The following PRAG1 variants were observed in gnomAD, a reference collection of about 807,000 sequenced individuals.
PRAG1 encodes PEAK1 related, kinase-activating pseudokinase 1, also known as inactive tyrosine-protein kinase PRAG1.
PRAG1 carries 110 observed loss-of-function variants against 95.6 expected under a neutral mutation model. That is an observed-to-expected ratio of 1.15 (90% CI 0.99 to 1.35). The LOEUF is 1.35. Among genes scored for constraint, PRAG1 ranks in the 40% most tolerant of loss-of-function variants. The probability of loss-of-function intolerance (pLI) is 0.00; values close to 1 mark genes in which losing one functional copy is unlikely to be tolerated. For synonymous variants in PRAG1, 1,052 were observed against 819.4 expected (o/e 1.28, Z -4.85); for missense variants, 2,554 against 1,864.7 (o/e 1.37, Z -6.81).
chr8:8,347,222 G>A (rs2116856461), intron 3 of PRAG1, among the ~76,000 whole-genome samples: 1 of 152,282 alleles, frequency 6.6e-6, no homozygotes, highest in African/African-American at 2.4e-5. Context: ...TGACTAGCTG[G>A]GACAGTGACT....
Position 8,381,880 on chromosome 8 carries a change from A to AC in PRAG1, c.-87-47dup, listed in dbSNP as rs1235643482. 7.6e-6 allele frequency: 5 copies of AC among 654,180 alleles called. No homozygotes were observed. In the East Asian group the frequency reaches 1.1e-4, roughly 14 times the overall value. The allele number at this position is 654,180 out of a possible 1,614,324, so 40.5% of individuals were successfully genotyped here. On this transcript the variant is annotated intron_variant, in intron 1 of 5. Transcript: ENST00000615670. ...CCTGATTAGAGATTTGCCATGCCAG[A>AC]CAATGGGTGCATTATCAATTAGAGT...
intron 3 of PRAG1, among the ~76,000 whole-genome samples, chr8:8,361,088 G>T (rs1462599895): frequency 1.3e-5 from 2 of 152,154 alleles, no homozygotes; most frequent in Non-Finnish European, 2.9e-5. Flanking sequence ...ATCTCATAAG[G>T]ATCATCTAAC....
chr8:8,377,744 T>C lies in PRAG1; in HGVS notation c.665A>G (p.His222Arg). The C allele has an allele frequency of 6.2e-7, 1 of 1,614,020 alleles. No individual in the cohort carries two copies. The highest frequency in any genetic ancestry group is 8.5e-7 in the Non-Finnish European group (1 of 1,180,006). ...AAFAGTTSGC[H>R]QGPGPLRESL... ...TTCCCGCAGGGGCCCAGGGCCCTGG[T>C]GACAGCCAGATGTGGTCCCAGCAAA... is the stretch of plus-strand genomic sequence containing the variant. The change falls in exon 3 of 6, where the codon CAC (histidine) becomes CGC (arginine). Residue 222 changes from histidine to arginine, a missense_variant. Coordinates refer to ENST00000615670, the MANE Select transcript of PRAG1 (RefSeq NM_001080826.3).
intron 4 of PRAG1, among the ~76,000 whole-genome samples, chr8:8,334,003 C>G (rs1413891099): frequency 1.3e-5 from 2 of 152,238 alleles, no homozygotes; most frequent in Non-Finnish European, 2.9e-5. Flanking sequence ...ATTAACTATT[C>G]CTGCATCAGA....
intron 3 of PRAG1, among the ~76,000 whole-genome samples, chr8:8,352,334 C>G (rs920085315): frequency 6.6e-6 from 1 of 152,198 alleles, no homozygotes; most frequent in African/African-American, 2.4e-5. Context: ...TTGACCTCCC[C>G]ATTCTGGATA....
intron 3 of PRAG1, among the ~76,000 whole-genome samples, chr8:8,356,575 TGG>T (rs1407178745): frequency 6.6e-6 from 1 of 152,188 alleles, no homozygotes; most frequent in Non-Finnish European, 1.5e-5. Context: ...CTCGAACTCC[TGG>T]GTTCAATAAA....
intron 3 of PRAG1, among the ~76,000 whole-genome samples, chr8:8,366,065 A>T (rs1205425988): frequency 6.6e-6 from 1 of 152,154 alleles, no homozygotes; most frequent in Admixed American, 6.5e-5. Context: ...AGTAAATTGA[A>T]GGTCTATAAA....
chr8:8,318,295 G>C lies in PRAG1; in HGVS notation c.4080C>G (p.Ala1360=), dbSNP rs1218003490. The C allele has an allele frequency of 6.2e-7, 1 of 1,614,150 alleles. No homozygotes were observed. The change falls in exon 6 of 6, where the codon GCC becomes GCG. Residue 1360 remains alanine, a synonymous_variant. Transcript: ENST00000615670. The surrounding 1 kb of genome is among the most constrained non-coding windows in gnomAD (Gnocchi z 4.2). ...TCTCCGCAAACTTCATCATCATCAG[G>C]GCCCGCTTCATGTCGATCCAGTTGT... ...TLHNWIDMKR[A]LMMMKFAEKA...
chr8:8,365,781 G>A (rs916413872), intron 3 of PRAG1, among the ~76,000 whole-genome samples: 19 of 145,932 alleles, frequency 1.3e-4, no homozygotes, highest in Middle Eastern at 3.5e-3. Flanking sequence ...TGGCCAATGT[G>A]GTGAAACCCT....
In PRAG1 at chr8:8,318,637, A is replaced by G. The variant is rs777949038; in HGVS notation, c.3738T>C (p.Ala1246=). Residue 1246 remains alanine, a synonymous_variant, in exon 6 of 6, where the codon GCT becomes GCC. Coordinates refer to ENST00000615670, the MANE Select transcript of PRAG1 (RefSeq NM_001080826.3). The surrounding 1 kb of genome is among the most constrained non-coding windows in gnomAD (Gnocchi z 4.2). ...ACTCATCGAACTTGCGGTACTGGGA[A>G]GCAGACACGATCTCGGGGGCCAGCC... ...QARLAPEIVS[A]SQYRKFDEFQ... The G allele has an allele frequency of 2.5e-6, 4 of 1,612,144 alleles. No homozygotes were observed. In the African/African-American group the frequency reaches 4.0e-5, roughly 16 times the overall value.
chr8:8,319,161 G>A lies in PRAG1; in HGVS notation c.3214C>T (p.Pro1072Ser), dbSNP rs764840780. Residue 1072 changes from proline to serine, a missense_variant, in exon 6 of 6, where the codon CCT becomes TCT. Transcript: ENST00000615670. ...MLSSPDAPKD[P>S]VPALPTHPPA... is the part of the protein sequence containing the mutation. ...GGGTGTGTGGGCAGGGCAGGCACAG[G>A]GTCCTTGGGCGCGTCGGGGGAGCTG... 2.8e-5 allele frequency: 45 copies of A among 1,604,802 alleles called. No homozygotes were observed. In the African/African-American group the frequency reaches 4.0e-4, roughly 14 times the overall value.
chr8:8,323,202 C>A (rs1017445457), intron 5 of PRAG1, among the ~76,000 whole-genome samples: 4 of 152,178 alleles, frequency 2.6e-5, no homozygotes, highest in African/African-American at 4.8e-5. Context: ...CCAAACGAAT[C>A]TCATCTTGTA....
chr8:8,327,874 A>G lies in PRAG1; in HGVS notation c.2908T>C (p.Cys970Arg). Reference sequence around the variant, plus strand: ...TGGCCGCCCATGAAGAGGTCCTCACATTTGGCTACAAGGCGGGCCAGGGAC... The same window carrying G: ...TGGCCGCCCATGAAGAGGTCCTCACGTTTGGCTACAAGGCGGGCCAGGGAC... ...TQSLARLVAKCEDLFMGGQKK... is the reference protein window; with the variant it reads ...TQSLARLVAKREDLFMGGQKK... Residue 970 changes from cysteine (C) to arginine (R), a missense_variant, in exon 5 of 6, where the codon TGT becomes CGT. Transcript: ENST00000615670. 1 of 1,614,200 alleles carries G rather than the reference A, an allele frequency of 6.2e-7. No homozygotes were observed. The highest frequency in any genetic ancestry group is 8.5e-7 in the Non-Finnish European group (1 of 1,180,034).
chr8:8,345,363 T>A (rs1166162878), intron 3 of PRAG1, among the ~76,000 whole-genome samples: 5 of 121,246 alleles, frequency 4.1e-5, no homozygotes, highest in Non-Finnish European at 6.5e-5. Context: ...AGACCCTGTC[T>A]CTACAAAAAA....
intron 3 of PRAG1, among the ~76,000 whole-genome samples, chr8:8,359,446 T>C (rs537734586): frequency 6.6e-6 from 1 of 152,322 alleles, no homozygotes; most frequent in South Asian, 2.1e-4. Flanking sequence ...GACCGGACCA[T>C]CCTTCTAGCC....
At chr8:8,370,367 C>T (rs970921995) in intron 3 of PRAG1, among the ~76,000 whole-genome samples, 2 of 152,208 alleles carry the variant, frequency 1.3e-5, no homozygotes, top group Non-Finnish European at 2.9e-5. Context: ...TCTGTGGGGG[C>T]CACTGAAATA....
chr8:8,372,250 C>T (rs926926871), intron 3 of PRAG1, among the ~76,000 whole-genome samples: 15 of 152,172 alleles, frequency 9.9e-5, no homozygotes, highest in African/African-American at 3.6e-4. Context: ...GAACTCCTTA[C>T]CCCAAGTGAT....
intron 3 of PRAG1, among the ~76,000 whole-genome samples, chr8:8,348,540 T>A (rs1799419515): frequency 6.6e-6 from 1 of 152,144 alleles, no homozygotes. Flanking sequence ...CTAAATCCTC[T>A]GTTCCAAGCA....
chr8:8,376,217 A>C, intron 3 of PRAG1, 30 bp downstream of exon 3: 1 of 1,596,912 alleles, frequency 6.3e-7, no homozygotes, highest in Non-Finnish European at 8.5e-7. Context: ...TGCCCTGCAG[A>C]CAGAGTCCCA....
Sources: allele counts gnomAD v4.1 joint callset (sites outside exome capture counted in the v4.1 genomes callset), GRCh38; gene constraint gnomAD v4.1.1; non-coding constraint Gnocchi (gnomAD v3.1); transcripts MANE v1.5; gene names NCBI Gene and HGNC (gene_info 2026-07-23, HGNC 2026-07-21).